Variants in ZMYM2 observed in about 807,000 individuals in gnomAD.
ZMYM2 encodes the protein zinc finger MYM-type protein 2.
Under a neutral mutation model 162.8 loss-of-function variants are expected in ZMYM2, and 56 were observed. The observed-to-expected ratio is 0.34, with a 90% confidence interval of 0.28 to 0.43. The LOEUF is 0.43. ZMYM2 is among the 20% of genes least tolerant of loss of function. The probability of loss-of-function intolerance (pLI) is 1.00; values close to 1 mark genes in which losing one functional copy is unlikely to be tolerated. For synonymous variants in ZMYM2, 510 were observed against 541.6 expected, an observed-to-expected ratio of 0.94 and a Z score of 0.81; for missense variants, 1,275 against 1,621.8, an observed-to-expected ratio of 0.79 and a Z score of 3.67.
upstream of ZMYM2, among the ~76,000 whole-genome samples, chr13:19,955,374 G>A (rs747024798): frequency 5.3e-5 from 8 of 152,004 alleles, no homozygotes; most frequent in Non-Finnish European, 8.8e-5. Flanking sequence ...TATGAAAGAG[G>A]AATTATTATC....
chr13:19,965,510 T>C (rs1955668055), intron 2 of ZMYM2, among the ~76,000 whole-genome samples: 2 of 152,212 alleles, frequency 1.3e-5, no homozygotes, highest in South Asian at 4.1e-4. Flanking sequence ...ATATATTAGA[T>C]AGTCATAAAA....
chr13:19,999,763 A>G (rs1370431638), intron 3 of ZMYM2, among the ~76,000 whole-genome samples: 2 of 152,212 alleles, frequency 1.3e-5, no homozygotes, highest in Non-Finnish European at 2.9e-5. Context: ...AAGGAAATTA[A>G]AACTGCTACT....
intron 2 of ZMYM2, among the ~76,000 whole-genome samples, chr13:19,977,273 C>T (rs1594124436): frequency 2.6e-5 from 4 of 152,056 alleles, no homozygotes; most frequent in South Asian, 2.1e-4. Flanking sequence ...CTGCTGCTTT[C>T]GGCTCCCAAA....
chr13:19,957,247 C>T (rs1954590059), upstream of ZMYM2, among the ~76,000 whole-genome samples: 1 of 151,994 alleles, frequency 6.6e-6, no homozygotes, highest in African/African-American at 2.4e-5. Flanking sequence ...ATTAACCTCA[C>T]TAAAAACTTC....
rs1956198852 is a variant in ZMYM2, at chr13:20,061,158, G to C, written c.2845G>C (p.Glu949Gln). ...SKVSSDALDT[E>Q]LLTMTDMMSE... ...GGTTTCTTCAGATGCTCTTGATACA[G>C]AGTTGCTTACAATGACGGATATGAT... The change falls in exon 17 of 25, where the codon GAG becomes CAG. Residue 949 changes from glutamate (E) to glutamine (Q), a missense_variant. Around this residue, in one of 10 missense-constraint regions of ZMYM2, gnomAD observed 229 missense variants for 283.8 expected, o/e 0.81. Transcript: ENST00000610343. The C allele has an allele frequency of 6.2e-7, 1 of 1,613,654 alleles. No individual in the cohort carries two copies. The highest frequency in any genetic ancestry group is 8.5e-7 in the Non-Finnish European group (1 of 1,179,814).
chr13:19,979,666 C>T (rs1160999092), intron 2 of ZMYM2, among the ~76,000 whole-genome samples: 4 of 152,164 alleles, frequency 2.6e-5, no homozygotes, highest in African/African-American at 9.7e-5. Context: ...AACACACAAT[C>T]CCAAATTTTG....
the ZMYM2 span, among the ~76,000 whole-genome samples, chr13:19,932,886 G>A: frequency 2.6e-5 from 4 of 152,214 alleles, no homozygotes; most frequent in East Asian, 7.7e-4. Flanking sequence ...TGTATGTTTT[G>A]TTTGTTTGTT....
intron 12 of ZMYM2, among the ~76,000 whole-genome samples, chr13:20,041,072 A>G (rs259802): frequency 0.1 from 15,417 of 152,142 alleles, 1,288 homozygotes; most frequent in African/African-American, 0.22. Context: ...AGAAGAATGT[A>G]TATTCTGTTG....
At chr13:19,971,155 T>C (rs967811231) in intron 2 of ZMYM2, among the ~76,000 whole-genome samples, 2 of 151,224 alleles carry the variant, frequency 1.3e-5, no homozygotes, top group African/African-American at 4.9e-5. Context: ...AATTGTAGGC[T>C]TTCTCCTAAG....
At chr13:19,988,683 T>C (rs1949371186) in intron 2 of ZMYM2, among the ~76,000 whole-genome samples, 1 of 152,122 alleles carries the variant, frequency 6.6e-6, no homozygotes, top group South Asian at 2.1e-4. Context: ...CTCAGGAGGC[T>C]GAGGCAGGAG....
intron 9 of ZMYM2, among the ~76,000 whole-genome samples, chr13:20,029,974 T>C (rs1286388813): frequency 1.3e-5 from 2 of 151,856 alleles, no homozygotes; most frequent in Non-Finnish European, 2.9e-5. Flanking sequence ...TTTGTATTTT[T>C]AGTAGAGACG....
chr13:19,978,498 C>T (rs1029324313), intron 2 of ZMYM2, among the ~76,000 whole-genome samples: 5 of 151,986 alleles, frequency 3.3e-5, no homozygotes, highest in African/African-American at 9.7e-5. Context: ...CTCACCACAA[C>T]GTCCGCCTCC....
At chr13:20,057,005 G>A (rs1181854075) in intron 14 of ZMYM2, among the ~76,000 whole-genome samples, 2 of 152,152 alleles carry the variant, frequency 1.3e-5, no homozygotes, top group Non-Finnish European at 2.9e-5. Flanking sequence ...CGGTTTTCAT[G>A]GGGCACATCA....
At chr13:19,895,338 C>G in the ZMYM2 span, among the ~76,000 whole-genome samples, 2 of 151,842 alleles carry the variant, frequency 1.3e-5, no homozygotes, top group Non-Finnish European at 2.9e-5. Flanking sequence ...AATCTGTTTT[C>G]TGTTGCTTAT....
the ZMYM2 span, among the ~76,000 whole-genome samples, chr13:19,935,931 G>T: frequency 2.9e-4 from 44 of 152,186 alleles, no homozygotes; most frequent in Non-Finnish European, 4.7e-4. Context: ...TAACCTCTCT[G>T]TAAGCCTTTT....
chr13:19,965,193 G>A, intron 2 of ZMYM2: 2 of 1,242,994 alleles, frequency 1.6e-6, no homozygotes, highest in Non-Finnish European at 2.1e-6. Context: ...CTATAATACA[G>A]TGAGACAAAT....
At chr13:20,060,416 C>T (rs747597931) in intron 16 of ZMYM2, among the ~76,000 whole-genome samples, 6 of 152,072 alleles carry the variant, frequency 3.9e-5, no homozygotes, top group Non-Finnish European at 7.4e-5. Context: ...CAGTGGCTCA[C>T]GCCTGTAATC....
chr13:19,884,529 C>T, the ZMYM2 span, among the ~76,000 whole-genome samples: 2 of 151,822 alleles, frequency 1.3e-5, no homozygotes, highest in Admixed American at 6.6e-5. Context: ...GCCAAGATCG[C>T]GCCACTGCAC....
chr13:20,021,633 C>A (rs938840753), intron 7 of ZMYM2, among the ~76,000 whole-genome samples: 13 of 152,104 alleles, frequency 8.5e-5, no homozygotes, highest in African/African-American at 3.1e-4. Context: ...AGATCTGAAT[C>A]ATCCCCCGTA....
Sources: gnomAD v4.1 joint callset for allele counts (sites outside exome capture counted in the v4.1 genomes callset) on GRCh38, gnomAD v4.1.1 for gene constraint, gnomAD v4.1.1 regional missense constraint, MANE v1.5 for transcripts, NCBI Gene and HGNC (gene_info 2026-07-23, HGNC 2026-07-21) for gene names.